HEG1: variants seen among roughly 807,000 people sequenced by gnomAD.
HEG1 encodes the protein protein HEG homolog 1.
In HEG1, 56 loss-of-function variants were observed where a neutral mutation model predicts 125.6. The observed-to-expected ratio is 0.45, with a 90% CI of 0.36 to 0.56. The LOEUF is 0.56. HEG1 is among the 20% of genes least tolerant of loss of function. The pLI is 0.00. For synonymous variants in HEG1, 644 were observed against 668.5 expected (o/e 0.96, Z 0.57); for missense variants, 1,523 against 1,670.0 (o/e 0.91, Z 1.53).
chr3:125,043,995 A>C (rs1274558448), intron 1 of HEG1, among the ~76,000 whole-genome samples: 1 of 152,146 alleles, frequency 6.6e-6, no homozygotes, highest in Non-Finnish European at 1.5e-5. Context: ...TGACTTTCAG[A>C]AGCTCTGCAG....
chr3:124,966,194 T>A lies in HEG1; in HGVS notation c.*4458A>T, dbSNP rs764577478. 1.3e-5 allele frequency: 2 copies of A among 152,226 alleles called. No homozygotes were observed. The highest frequency in any genetic ancestry group is 2.9e-5 in the Non-Finnish European group (2 of 68,032). The allele number at this position is 152,226 out of a possible 1,614,324, so 9.4% of individuals were successfully genotyped here. A position where few individuals can be genotyped will look rare whatever the true frequency, so the allele number is the denominator to read the frequency against. ...GTAATGAAGTATGTTAAGTGCATTT[T>A]AAAAATCTGAATATGCAAATTCTTC... is the stretch of plus-strand genomic sequence containing the variant. On this transcript the variant is annotated 3_prime_UTR_variant, in exon 17 of 17. Coordinates refer to ENST00000311127, the MANE Select transcript of HEG1 (RefSeq NM_020733.2).
Position 124,987,952 on chromosome 3 carries a change from C to CACACACACACACACACACACACAT in HEG1, c.3733+2834_3733+2835insATGTGTGTGTGTGTGTGTGTGTGT. ...ACACACACACACACACACACACACACATATATATATATATATATATATACC... is the reference window on the plus strand; with the variant it reads ...ACACACACACACACACACACACACACACACACACACACACACACACACATATATATATATATATATATATATACC... On this transcript the variant is annotated intron_variant, in intron 14 of 16. Coordinates refer to ENST00000311127, the MANE Select transcript of HEG1 (RefSeq NM_020733.2). Among the ~76,000 whole-genome samples, 80 of 54,680 alleles carry CACACACACACACACACACACACAT rather than the reference C, an allele frequency of 1.5e-3. 3 individuals carry two copies. Among genetic ancestry groups the CACACACACACACACACACACACAT allele is most frequent in the Admixed American group, 1.8e-3 (8 of 4,536 alleles). 35.9% of individuals were successfully genotyped at this position (54,680 alleles called of 152,430 possible). A position where few individuals can be genotyped will look rare whatever the true frequency, so the allele number is the denominator to read the frequency against.
chr3:124,990,576 T>G (rs1230447767), intron 14 of HEG1, among the ~76,000 whole-genome samples: 8 of 152,180 alleles, frequency 5.3e-5, no homozygotes, highest in African/African-American at 9.7e-5. Context: ...TGGCCTCAAG[T>G]GATCCTCCTG....
chr3:125,012,895 G>T lies in HEG1; in HGVS notation c.2684C>A (p.Thr895Lys). 6.2e-7 allele frequency: 1 copy of T among 1,614,074 alleles called. No individual in the cohort carries two copies. The highest frequency in any genetic ancestry group is 8.5e-7 in the Non-Finnish European group (1 of 1,179,906). ...CCTTTCTGTGCTGATGCCACCTTCT[G>T]TTGAGATTTGAGGAACTAGTATTTC... ...HPEILVPQISTEGGISTERNR... is the reference protein window; with the variant it reads ...HPEILVPQISKEGGISTERNR... Residue 895 changes from threonine to lysine, a missense_variant, in exon 6 of 17, where the codon ACA (threonine) becomes AAA (lysine). Coordinates refer to ENST00000311127, the MANE Select transcript of HEG1 (RefSeq NM_020733.2).
intron 15 of HEG1, among the ~76,000 whole-genome samples, chr3:124,976,662 AGTGTG>A (rs1936547335): frequency 6.6e-6 from 1 of 152,036 alleles, no homozygotes; most frequent in Non-Finnish European, 1.5e-5. Flanking sequence ...TTTAATCCCC[AGTGTG>A]GAGGTGCTGG....
chr3:125,038,757 G>A (rs562640588), intron 1 of HEG1, among the ~76,000 whole-genome samples: 6 of 152,286 alleles, frequency 3.9e-5, no homozygotes, highest in East Asian at 1.9e-4. Context: ...CATGGAGGGC[G>A]AGGTGTCAAA....
intron 12 of HEG1, among the ~76,000 whole-genome samples, chr3:124,995,109 G>A (rs976070803): frequency 2.6e-5 from 4 of 151,996 alleles, no homozygotes; most frequent in East Asian, 3.9e-4. Flanking sequence ...GACCAGACTC[G>A]GCAACATGGC....
At chr3:125,050,169 A>T (rs1937771752) in intron 1 of HEG1, among the ~76,000 whole-genome samples, 1 of 140,480 alleles carries the variant, frequency 7.1e-6, no homozygotes, top group South Asian at 2.3e-4. Context: ...TTTGAGATGA[A>T]GTCTCACTTT....
chr3:124,981,130 C>A (rs1438814567), intron 14 of HEG1, among the ~76,000 whole-genome samples: 1 of 152,058 alleles, frequency 6.6e-6, no homozygotes, highest in Non-Finnish European at 1.5e-5. Context: ...TGAGCCACTG[C>A]GCCCAACCTG....
intron 3 of HEG1, among the ~76,000 whole-genome samples, chr3:125,021,397 A>G (rs891267623): frequency 7.2e-5 from 11 of 151,990 alleles, no homozygotes; most frequent in African/African-American, 2.7e-4. Context: ...CGTTGTTTGC[A>G]TTATTTGTTT....
At chr3:125,014,750 C>A in intron 5 of HEG1, 1 of 1,286,278 alleles carries the variant, frequency 7.8e-7, no homozygotes, top group Non-Finnish European at 1.0e-6. Context: ...ACCGTGAGAC[C>A]AGGCCCATGT....
At chr3:125,046,187 T>G (rs915242118) in intron 1 of HEG1, among the ~76,000 whole-genome samples, 1 of 152,044 alleles carries the variant, frequency 6.6e-6, no homozygotes, top group Non-Finnish European at 1.5e-5. Flanking sequence ...CTACAGCCAG[T>G]AGCACTCCAT....
At chr3:125,031,849 C>T (rs138754520) in intron 1 of HEG1, among the ~76,000 whole-genome samples, 1,831 of 152,144 alleles carry the variant, frequency 0.012, 30 homozygotes, top group African/African-American at 0.041. Flanking sequence ...CACATACACA[C>T]GGAACAAGTT....
intron 12 of HEG1, 104 bp downstream of exon 12, chr3:124,997,585 A>C (rs1449016800): frequency 8.9e-7 from 1 of 1,125,986 alleles, no homozygotes; most frequent in Non-Finnish European, 1.2e-6. Flanking sequence ...TCAGTTTAGA[A>C]TGGTCACGCC....
intron 1 of HEG1, among the ~76,000 whole-genome samples, chr3:125,040,489 T>C (rs1224157583): frequency 6.6e-6 from 1 of 152,080 alleles, no homozygotes; most frequent in African/African-American, 2.4e-5. Context: ...TCCAGAACAG[T>C]AAGACACTGA....
In HEG1 at chr3:125,055,683, GGGGCGGCGT is replaced by G. The variant is rs1028751368; in HGVS notation, c.199_207del (p.Thr67_Pro69del). On this transcript the variant is annotated inframe_deletion, in exon 1 of 17. Coordinates refer to ENST00000311127, the MANE Select transcript of HEG1 (RefSeq NM_020733.2). Reference sequence around the variant, plus strand: ...GGGGTCGCGGGCCCGCGGCGCTCCCGGGGCGGCGTGGGCGGCGGCTCGCGCTCCGGGCGG... The same window carrying G: ...GGGGTCGCGGGCCCGCGGCGCTCCCGGGGCGGCGGCTCGCGCTCCGGGCGG... 6 of 1,128,674 alleles carry G rather than the reference GGGGCGGCGT, an allele frequency of 5.3e-6. No homozygotes were observed. Among genetic ancestry groups the G allele is most frequent in the Admixed American group, 4.9e-5 (1 of 20,246 alleles). The allele number at this position is 1,128,674 out of a possible 1,614,324, so 69.9% of individuals were successfully genotyped here.
rs1037608063 is a variant in HEG1, at chr3:125,046,633, T to C, written c.316+8942A>G. Among the ~76,000 whole-genome samples the C allele has an allele frequency of 2.6e-5, 4 of 152,314 alleles. No homozygotes were observed. The South Asian group carries it at 6.2e-4, about 24-fold the overall frequency. On this transcript the variant is annotated intron_variant, in intron 1 of 16. Transcript: ENST00000311127. Reference sequence around the variant, plus strand: ...TTCTCTTGAGTTTCCTGAATAATGATACATTTCCATCCCTTGATAATGATG... The same window carrying C: ...TTCTCTTGAGTTTCCTGAATAATGACACATTTCCATCCCTTGATAATGATG...
chr3:125,038,815 T>C (rs1355915341), intron 1 of HEG1, among the ~76,000 whole-genome samples: 1 of 152,024 alleles, frequency 6.6e-6, no homozygotes, highest in Admixed American at 6.5e-5. Context: ...CCTGGAGAAA[T>C]GGAAAGGAGA....
intron 14 of HEG1, among the ~76,000 whole-genome samples, chr3:124,980,881 G>A (rs1378612519): frequency 1.3e-5 from 2 of 149,876 alleles, no homozygotes; most frequent in African/African-American, 4.9e-5. Context: ...TTTGAGACAG[G>A]TCTCACTATG....
Sources: gnomAD v4.1 joint callset for allele counts (sites outside exome capture counted in the v4.1 genomes callset) on GRCh38, gnomAD v4.1.1 for gene constraint, MANE v1.5 for transcripts, NCBI Gene and HGNC (gene_info 2026-07-23, HGNC 2026-07-21) for gene names.